Variants in NKAIN3 observed in about 807,000 individuals in gnomAD.
The protein encoded by NKAIN3 is sodium/potassium transporting ATPase interacting 3, also known as sodium/potassium-transporting ATPase subunit beta-1-interacting protein 3.
NKAIN3 carries 25 observed loss-of-function variants against 30.2 expected under a neutral mutation model. The ratio of observed to expected loss-of-function variants is 0.83; its 90% CI spans 0.60 to 1.16. NKAIN3 has a LOEUF of 1.16. NKAIN3 is among the 50% of genes most tolerant of loss of function. NKAIN3 has a pLI of 0.00. For missense variants in NKAIN3, 225 were observed against 254.1 expected, an observed-to-expected ratio of 0.89 and a Z score of 0.78; for synonymous variants, 91 against 89.6, an observed-to-expected ratio of 1.02 and a Z score of -0.09.
chr8:62,375,423 T>A (rs899065417), intron 1 of NKAIN3, among the ~76,000 whole-genome samples: 1 of 152,182 alleles, frequency 6.6e-6, no homozygotes, highest in African/African-American at 2.4e-5. Flanking sequence ...ATGACAATCA[T>A]TCAAGGTGCT....
At chr8:62,586,765 T>C (rs1427660463) in intron 2 of NKAIN3, among the ~76,000 whole-genome samples, 2 of 152,108 alleles carry the variant, frequency 1.3e-5, no homozygotes, top group Admixed American at 6.6e-5. Context: ...AAAACTAGGA[T>C]ATATTTAGGA....
At chr8:62,278,426 C>T (rs913584942) in intron 1 of NKAIN3, among the ~76,000 whole-genome samples, 5 of 151,704 alleles carry the variant, frequency 3.3e-5, no homozygotes, top group African/African-American at 4.8e-5. Context: ...ATGTGCACAA[C>T]GTGCAGGTTT....
In NKAIN3 at chr8:62,995,494, G is replaced by A. The variant is rs960715884; in HGVS notation, c.533-3737G>A. Among the ~76,000 whole-genome samples, 114 of 151,648 alleles carry A rather than the reference G, an allele frequency of 7.5e-4. 1 individual carries two copies. The highest frequency in any genetic ancestry group is 2.5e-3 in the African/African-American group (102 of 40,934). ...GGAGGACCTTTGTTCACACTGCTCTGTGTCTGTTGTGCTGACCTGGGACTA... is the reference window on the plus strand; with the variant it reads ...GGAGGACCTTTGTTCACACTGCTCTATGTCTGTTGTGCTGACCTGGGACTA... On this transcript the variant is annotated intron_variant, in intron 5 of 5. Transcript: ENST00000519049.
At chr8:62,301,432 T>C (rs1814047360) in intron 1 of NKAIN3, among the ~76,000 whole-genome samples, 2 of 151,872 alleles carry the variant, frequency 1.3e-5, no homozygotes, top group Non-Finnish European at 2.9e-5. Context: ...CTATAGAAAA[T>C]AGAAGTAAGA....
chr8:62,978,574 C>A lies in NKAIN3; in HGVS notation c.*13167C>A, dbSNP rs922017153. 1 of 152,304 alleles carries A rather than the reference C, an allele frequency of 6.6e-6. No homozygotes were observed. The highest frequency in any genetic ancestry group is 2.1e-4 in the South Asian group (1 of 4,832). 9.4% of individuals were successfully genotyped at this position (152,304 alleles called of 1,614,324 possible). On this transcript the variant is annotated 3_prime_UTR_variant, in exon 7 of 7. Coordinates refer to ENST00000623646, the MANE Select transcript of NKAIN3 (RefSeq NM_001304533.3). Reference sequence around the variant, plus strand: ...GGCAGATACCTCTCCCCCAACCAAGCTTGAGCATCCCAGGTCTACTTCAGA... The same window carrying A: ...GGCAGATACCTCTCCCCCAACCAAGATTGAGCATCCCAGGTCTACTTCAGA...
chr8:62,744,743 C>T (rs73267000), intron 3 of NKAIN3, among the ~76,000 whole-genome samples: 312 of 152,186 alleles, frequency 2.1e-3, no homozygotes, highest in African/African-American at 7.2e-3. Context: ...GTAGCTGAAG[C>T]AATTATTTCT....
At chr8:62,384,608 G>A (rs1817368431) in intron 1 of NKAIN3, among the ~76,000 whole-genome samples, 1 of 152,014 alleles carries the variant, frequency 6.6e-6, no homozygotes, top group African/African-American at 2.4e-5. Context: ...GCATGTAGGA[G>A]GACCCAGGCA....
chr8:62,858,839 T>A (rs894257040), intron 4 of NKAIN3, among the ~76,000 whole-genome samples: 1 of 152,170 alleles, frequency 6.6e-6, no homozygotes, highest in Non-Finnish European at 1.5e-5. Context: ...GGTCTTGTCT[T>A]GTGAGGTGCC....
At chr8:62,492,258 G>A (rs1202214912) in intron 1 of NKAIN3, among the ~76,000 whole-genome samples, 1 of 152,160 alleles carries the variant, frequency 6.6e-6, no homozygotes, top group Non-Finnish European at 1.5e-5. Flanking sequence ...TTCTCCACAA[G>A]TGTAGAGTGC....
At chr8:62,269,819 A>G (rs1812724830) in intron 1 of NKAIN3, among the ~76,000 whole-genome samples, 2 of 152,106 alleles carry the variant, frequency 1.3e-5, no homozygotes, top group Admixed American at 1.3e-4. Flanking sequence ...TTTGGATGGA[A>G]AACCTCAGCA....
intron 3 of NKAIN3, among the ~76,000 whole-genome samples, chr8:62,728,058 A>C (rs1314726294): frequency 6.6e-6 from 1 of 152,198 alleles, no homozygotes; most frequent in Non-Finnish European, 1.5e-5. Flanking sequence ...AATGGAAGCC[A>C]AGATAGTTTT....
At chr8:62,803,649 G>A (rs1227878364) in intron 4 of NKAIN3, among the ~76,000 whole-genome samples, 4 of 152,008 alleles carry the variant, frequency 2.6e-5, no homozygotes, top group Admixed American at 6.6e-5. Context: ...CTAAATGCCT[G>A]CAAGAGAAAG....
At chr8:62,379,658 G>A (rs1315276411) in intron 1 of NKAIN3, among the ~76,000 whole-genome samples, 1 of 151,812 alleles carries the variant, frequency 6.6e-6, no homozygotes, top group African/African-American at 2.4e-5. Flanking sequence ...GTAAAGAGGT[G>A]CCTTCTGCTA....
At chr8:62,653,317 G>T (rs890101749) in intron 3 of NKAIN3, among the ~76,000 whole-genome samples, 1 of 152,076 alleles carries the variant, frequency 6.6e-6, no homozygotes, top group African/African-American at 2.4e-5. Flanking sequence ...AAGCTCTGTG[G>T]TTCCTCTTCT....
intron 1 of NKAIN3, among the ~76,000 whole-genome samples, chr8:62,377,871 G>A (rs1817142925): frequency 6.6e-6 from 1 of 152,112 alleles, no homozygotes; most frequent in African/African-American, 2.4e-5. Flanking sequence ...CCTGTTTTGG[G>A]TATTGCTTCA....
chr8:62,807,696 G>T (rs1198893520), intron 4 of NKAIN3, among the ~76,000 whole-genome samples: 4 of 150,492 alleles, frequency 2.7e-5, no homozygotes, highest in African/African-American at 9.7e-5. Flanking sequence ...GGGACTACAG[G>T]TGCATGCCAC....
intron 5 of NKAIN3, among the ~76,000 whole-genome samples, chr8:62,948,896 A>G (rs180975951): frequency 3.7e-4 from 56 of 152,274 alleles, no homozygotes; most frequent in Non-Finnish European, 4.4e-4. Context: ...TGAAAAATCC[A>G]AAGAGATATG....
At chr8:62,269,442 A>G (rs1812706156) in intron 1 of NKAIN3, among the ~76,000 whole-genome samples, 2 of 152,126 alleles carry the variant, frequency 1.3e-5, no homozygotes, top group South Asian at 2.1e-4. Context: ...AGTAGACAGT[A>G]TATCTCTGGA....
intron 4 of NKAIN3, among the ~76,000 whole-genome samples, chr8:62,785,748 T>C (rs1009318212): frequency 3.3e-5 from 5 of 152,176 alleles, no homozygotes; most frequent in Admixed American, 2.0e-4. Context: ...TATTGTCATC[T>C]TTTCAGAGGG....
Sources: gnomAD v4.1 joint callset for allele counts (sites outside exome capture counted in the v4.1 genomes callset) on GRCh38, gnomAD v4.1.1 for gene constraint, MANE v1.5 for transcripts, NCBI Gene and HGNC (gene_info 2026-07-23, HGNC 2026-07-21) for gene names.